The following PDE4C variants were observed in gnomAD, a reference collection of about 807,000 sequenced individuals.
PDE4C encodes 3',5'-cyclic-AMP phosphodiesterase 4C.
PDE4C carries 50 observed loss-of-function variants against 63.9 expected under a neutral mutation model. The observed-to-expected ratio is 0.78, with a 90% CI of 0.62 to 0.99. The LOEUF is 0.99. PDE4C is among the 50% of genes least tolerant of loss of function. The pLI is 0.00. For missense variants in PDE4C, 777 were observed against 899.1 expected (o/e 0.86, Z 1.74); for synonymous variants, 377 against 385.1 (o/e 0.98, Z 0.25).
At chr19:18,232,954 T>C (rs765777381) in exon 1 of PDE4C, 4 of 1,448,514 alleles carry the variant, frequency 2.8e-6, no homozygotes, top group Non-Finnish European at 3.6e-6. Flanking sequence ...ACCTACCGCC[T>C]GCAGGAGGAA....
rs776092427 is a variant in PDE4C at position 18,220,902 on chromosome 19, AGGGTTTCCGAC to A, written c.460_470del (p.Val154PhefsTer92). On this transcript the variant is annotated frameshift_variant, in exon 5 of 15. Transcript: ENST00000262805. LOFTEE classifies it high-confidence loss of function. The surrounding 1 kb of genome is among the most constrained non-coding windows in gnomAD (Gnocchi z 5.1). The stretch of plus-strand genomic sequence containing the variant: ...CAGGAGGGAGCTGATTGCTGGATGA[AGGGTTTCCGAC>A]GGGTCCCTGCCTGCGGTACAGCAGC... 73 of 1,607,784 alleles carry A rather than the reference AGGGTTTCCGAC, an allele frequency of 4.5e-5. No individual in the cohort carries two copies. Among genetic ancestry groups the A allele is most frequent in the African/African-American group, 8.0e-5 (6 of 74,884 alleles).
chr19:18,224,918 G>A (rs1439406389), intron 1 of PDE4C, among the ~76,000 whole-genome samples: 4 of 152,206 alleles, frequency 2.6e-5, no homozygotes, highest in Non-Finnish European at 5.9e-5. Flanking sequence ...GGAGGCATGC[G>A]GATCGCGACC....
upstream of PDE4C, among the ~76,000 whole-genome samples, chr19:18,248,479 G>A (rs1008488773): frequency 4.6e-5 from 7 of 151,966 alleles, no homozygotes; most frequent in East Asian, 1.9e-4. Context: ...GAAGGGAGGC[G>A]TAGGAGTGAG....
intron 8 of PDE4C, 95 bp from the exon 9 acceptor site, chr19:18,219,133 C>G: frequency 6.3e-7 from 1 of 1,585,942 alleles, no homozygotes; most frequent in Non-Finnish European, 8.7e-7. Context: ...ACAGTGAGCC[C>G]CAACTGCCCA....
chr19:18,225,176 G>T (rs1235743950), intron 1 of PDE4C, among the ~76,000 whole-genome samples: 2 of 152,180 alleles, frequency 1.3e-5, no homozygotes, highest in Admixed American at 6.5e-5. Context: ...GAGCCCCCCG[G>T]CTGTGGGAAC....
upstream of PDE4C, among the ~76,000 whole-genome samples, chr19:18,234,681 T>G (rs914384045): frequency 5.3e-5 from 8 of 152,238 alleles, no homozygotes; most frequent in Admixed American, 2.6e-4. Flanking sequence ...AGAGCCCCGA[T>G]GTTTTTGGAA....
At chr19:18,248,604 G>A (rs74739592), upstream of PDE4C, among the ~76,000 whole-genome samples, 3,729 of 151,866 alleles carry the variant, frequency 0.025, 56 homozygotes, top group African/African-American at 0.033. Flanking sequence ...GGAAGGGGGG[G>A]ATTTTATCAA....
At chr19:18,239,651 C>G (rs1969006548) in intron 1 of PDE4C, among the ~76,000 whole-genome samples, 1 of 152,094 alleles carries the variant, frequency 6.6e-6, no homozygotes, top group South Asian at 2.1e-4. Context: ...AGGTGGGGTT[C>G]AAAGAGATGG....
upstream of PDE4C, among the ~76,000 whole-genome samples, chr19:18,238,397 G>A (rs1968988213): frequency 6.6e-6 from 1 of 151,572 alleles, no homozygotes; most frequent in Admixed American, 6.6e-5. Flanking sequence ...CACCACGCCT[G>A]GCTAATTTTT....
chr19:18,212,884 C>G (rs2148003804), intron 13 of PDE4C, among the ~76,000 whole-genome samples: 1 of 148,142 alleles, frequency 6.8e-6, no homozygotes, highest in East Asian at 2.2e-4. Context: ...GATGGGGTTT[C>G]ACCATCTTGG....
At chr19:18,253,095 C>A (rs1276454093), upstream of PDE4C, among the ~76,000 whole-genome samples, 2 of 152,168 alleles carry the variant, frequency 1.3e-5, no homozygotes, top group Non-Finnish European at 2.9e-5. Context: ...GCTGAGAGCT[C>A]TAGAAGCCCT....
exon 1 of PDE4C, chr19:18,233,258 C>CA: frequency 6.5e-7 from 1 of 1,538,026 alleles, no homozygotes; most frequent in Non-Finnish European, 8.7e-7. Context: ...CGCCGAGGAG[C>CA]GTCTGCTCCC....
intron 1 of PDE4C, among the ~76,000 whole-genome samples, chr19:18,243,343 C>T (rs564683441): frequency 7.9e-5 from 12 of 152,098 alleles, no homozygotes; most frequent in East Asian, 5.8e-4. Context: ...CCTGACCTCA[C>T]GGGATCCACC....
At chr19:18,238,851 TGTG>T (rs1210099538) in intron 1 of PDE4C, among the ~76,000 whole-genome samples, 1 of 151,680 alleles carries the variant, frequency 6.6e-6, no homozygotes, top group Non-Finnish European at 1.5e-5. Context: ...ATTAGCCAGG[TGTG>T]GTGGCACACG....
At chr19:18,210,833 G>C in exon 15 of PDE4C, 1 of 1,502,942 alleles carries the variant, frequency 6.7e-7, no homozygotes, top group Non-Finnish European at 8.9e-7. Flanking sequence ...GGAAAGTGAA[G>C]CAGGAGCCAC....
intron 1 of PDE4C, chr19:18,224,176 G>A (rs1968618325): frequency 3.1e-6 from 3 of 976,272 alleles, no homozygotes; most frequent in Non-Finnish European, 3.7e-6. Flanking sequence ...TCCTCTTTGG[G>A]GTCAGAGGTC....
chr19:18,222,598 ATCACCC>A (rs1968530579), intron 1 of PDE4C, among the ~76,000 whole-genome samples: 1 of 143,172 alleles, frequency 7.0e-6, no homozygotes, highest in South Asian at 2.2e-4. Context: ...CTGGACCTCA[ATCACCC>A]TATTTCTTTT....
At chr19:18,216,689 G>A (rs1485504598) in intron 12 of PDE4C, 52 bp downstream of exon 12, 1 of 1,512,178 alleles carries the variant, frequency 6.6e-7, no homozygotes, top group Non-Finnish European at 8.9e-7. Flanking sequence ...AGATGAGAAG[G>A]ATGCCCCGCT....
chr19:18,247,877 C>G (rs1028508062), intron 1 of PDE4C, among the ~76,000 whole-genome samples: 1 of 152,208 alleles, frequency 6.6e-6, no homozygotes, highest in African/African-American at 2.4e-5. Context: ...ATGGACCACA[C>G]CACAGGCACC....
Sources: gnomAD v4.1 joint callset for allele counts (sites outside exome capture counted in the v4.1 genomes callset) on GRCh38, gnomAD v4.1.1 for gene constraint, Gnocchi (gnomAD v3.1) non-coding constraint, MANE v1.5 for transcripts, NCBI Gene and HGNC (gene_info 2026-07-23, HGNC 2026-07-21) for gene names.